The following TTC7B variants were observed in gnomAD, a reference collection of about 807,000 sequenced individuals.
TTC7B encodes the protein tetratricopeptide repeat protein 7B.
Under a neutral mutation model 106.8 loss-of-function variants are expected in TTC7B, and 28 were observed. The ratio of observed to expected loss-of-function variants is 0.26; its 90% CI spans 0.19 to 0.36. TTC7B has a LOEUF of 0.36. TTC7B is among the 10% of genes least tolerant of loss of function. The pLI, the probability that TTC7B is intolerant of heterozygous loss-of-function variation, is 1.00. For synonymous variants in TTC7B, 405 were observed against 430.6 expected (o/e 0.94, Z 0.74); for missense variants, 862 against 1,076.4 (o/e 0.80, Z 2.79).
At chr14:90,712,608 G>C (rs1397810315) in intron 5 of TTC7B, among the ~76,000 whole-genome samples, 1 of 152,158 alleles carries the variant, frequency 6.6e-6, no homozygotes, top group East Asian at 1.9e-4. Flanking sequence ...ACATTTTTGA[G>C]AGAAATCAAA....
At chr14:90,614,062 T>C (rs951519224) in intron 16 of TTC7B, among the ~76,000 whole-genome samples, 1 of 152,186 alleles carries the variant, frequency 6.6e-6, no homozygotes, top group Non-Finnish European at 1.5e-5. Context: ...GCTCCTGGAA[T>C]AGTGCCTGGC....
rs554710119 is a variant in TTC7B at position 90,751,645 on chromosome 14, G to T, written c.446-6723C>A. The stretch of plus-strand genomic sequence containing the variant: ...GTGTCTCACTGTGTTGTCCAAGCTG[G>T]TCTCAAACTCCTGACCTCAAGAGAT... On this transcript the variant is annotated intron_variant, in intron 3 of 19. Transcript: ENST00000328459. 5.6e-4 allele frequency among the ~76,000 whole-genome samples: 85 copies of T among 151,798 alleles called. No homozygotes were observed. In the South Asian group the frequency reaches 0.012, roughly 21 times the overall value.
At chr14:90,567,039 G>A (rs987836203) in intron 19 of TTC7B, among the ~76,000 whole-genome samples, 1 of 152,078 alleles carries the variant, frequency 6.6e-6, no homozygotes, top group Non-Finnish European at 1.5e-5. Flanking sequence ...AGGGGAAGGC[G>A]GGGGCGGGGA....
rs753654074 is a variant in TTC7B, at chr14:90,786,176, T to C, written c.274A>G (p.Lys92Glu). 5 of 1,545,792 alleles carry C rather than the reference T, an allele frequency of 3.2e-6. No individual in the cohort carries two copies. In the South Asian group the frequency reaches 3.8e-5, roughly 12 times the overall value. ...LTAALDRGNL[K>E]SEFLQESNLI... Reference sequence around the variant, plus strand: ...CTCAGCCCAGAGGCCCATGGTACCTTAAGGTTCCCTCGGTCCAGGGCGGCG... The same window carrying C: ...CTCAGCCCAGAGGCCCATGGTACCTCAAGGTTCCCTCGGTCCAGGGCGGCG... Residue 92 changes from lysine to glutamate, a missense_variant and splice_region_variant, in exon 2 of 20, where the codon AAG (lysine) becomes GAG (glutamate). Coordinates refer to ENST00000328459, the MANE Select transcript of TTC7B (RefSeq NM_001010854.2).
intron 5 of TTC7B, chr14:90,699,141 G>A (rs1437394485): frequency 4.0e-5 from 18 of 455,500 alleles, no homozygotes; most frequent in East Asian, 2.8e-4. Context: ...ACATTCTAAC[G>A]TACAAGCTTA....
At chr14:90,607,349 A>G (rs75625284) in intron 17 of TTC7B, among the ~76,000 whole-genome samples, 2,788 of 152,228 alleles carry the variant, frequency 0.018, 93 homozygotes, top group African/African-American at 0.062. Flanking sequence ...ACCCTCACGG[A>G]TGCTAACACT....
At chr14:90,798,709 C>CAAAAA (rs36223089) in intron 1 of TTC7B, among the ~76,000 whole-genome samples, 19,339 of 51,992 alleles carry the variant, frequency 0.37, 5,216 homozygotes, top group Middle Eastern at 0.5. Flanking sequence ...GACTCCATCT[C>CAAAAA]AAAAAAAAAA....
At chr14:90,766,767 C>G (rs988572208) in intron 3 of TTC7B, 32 of 1,574,322 alleles carry the variant, frequency 2.0e-5, no homozygotes, top group Middle Eastern at 2.2e-4. Flanking sequence ...AGTACAAGAT[C>G]CCAGACTGGT....
intron 5 of TTC7B, chr14:90,697,203 C>G (rs1887788954): frequency 6.6e-6 from 1 of 150,628 alleles, no homozygotes; most frequent in African/African-American, 2.5e-5. Flanking sequence ...AGGATCAAAC[C>G]TAAATATTGT....
At chr14:90,729,709 C>T (rs1335069624) in intron 5 of TTC7B, among the ~76,000 whole-genome samples, 1 of 152,204 alleles carries the variant, frequency 6.6e-6, no homozygotes, top group African/African-American at 2.4e-5. Flanking sequence ...TCCTGTGTGC[C>T]AGGATTTCCA....
At chr14:90,675,923 C>G (rs1322979510) in intron 9 of TTC7B, 1 of 152,108 alleles carries the variant, frequency 6.6e-6, no homozygotes, top group Non-Finnish European at 1.5e-5. Flanking sequence ...ATAACCATAG[C>G]CCAGGATGAA....
Position 90,633,147 on chromosome 14 carries a change from A to G in TTC7B, c.1751+10901T>C, listed in dbSNP as rs1423240841. Among the ~76,000 whole-genome samples, 4 of 152,236 alleles carry G rather than the reference A, an allele frequency of 2.6e-5. No homozygotes were observed. In the East Asian group the frequency reaches 7.7e-4, roughly 29 times the overall value. On this transcript the variant is annotated intron_variant, in intron 15 of 19. Transcript: ENST00000328459. ...CTGATGTCTTATAGTTATGGGTCAG[A>G]GAAAACACTTCAAACACTTGTGCAT... is the stretch of plus-strand genomic sequence containing the variant.
At chr14:90,616,049 C>A (rs947517306) in intron 16 of TTC7B, among the ~76,000 whole-genome samples, 11 of 152,142 alleles carry the variant, frequency 7.2e-5, no homozygotes, top group African/African-American at 2.7e-4. Context: ...CTATTTTTTT[C>A]TCCTCACATT....
Position 90,657,122 on chromosome 14 carries a change from G to T in TTC7B, c.1341+52C>A. 3 of 1,502,318 alleles carry T rather than the reference G, an allele frequency of 2.0e-6. No homozygotes were observed. Among genetic ancestry groups the T allele is most frequent in the Non-Finnish European group, 1.8e-6 (2 of 1,084,376 alleles). 93.1% of individuals were successfully genotyped at this position (1,502,318 alleles called of 1,614,324 possible). A position where few individuals can be genotyped will look rare whatever the true frequency, so the allele number is the denominator to read the frequency against. On this transcript the variant is annotated intron_variant, in intron 11 of 19. Transcript: ENST00000328459. This position sits in a 1 kb window ranked among gnomAD's most constrained non-coding sequence, Gnocchi z 4.2. The stretch of plus-strand genomic sequence containing the variant: ...TGCCTCGACATGAAAAAAATGGGCA[G>T]TCCTGGCCCAGAGTCCTCTGCAGGA...
intron 1 of TTC7B, among the ~76,000 whole-genome samples, chr14:90,792,745 T>A (rs990075659): frequency 1.3e-4 from 19 of 151,896 alleles, no homozygotes; most frequent in Non-Finnish European, 2.2e-4. Flanking sequence ...ATGTGTACAG[T>A]ATTGGATGGG....
chr14:90,590,432 C>T (rs78356169), intron 18 of TTC7B, among the ~76,000 whole-genome samples: 1,810 of 152,302 alleles, frequency 0.012, 23 homozygotes, highest in Non-Finnish European at 0.018. Context: ...TCCCACTGTA[C>T]TCAGTTCACC....
chr14:90,627,029 C>T (rs946835511), intron 15 of TTC7B, among the ~76,000 whole-genome samples: 1 of 152,046 alleles, frequency 6.6e-6, no homozygotes, highest in Non-Finnish European at 1.5e-5. Context: ...CTCTGTTGCC[C>T]AGGCTAAAGT....
intron 13 of TTC7B, among the ~76,000 whole-genome samples, chr14:90,652,572 A>T (rs987185332): frequency 6.6e-6 from 1 of 151,950 alleles, no homozygotes; most frequent in Admixed American, 6.6e-5. Flanking sequence ...CTCCCTTGGC[A>T]TACAAAATAC....
intron 6 of TTC7B, among the ~76,000 whole-genome samples, chr14:90,694,765 T>C (rs1257683971): frequency 7.1e-6 from 1 of 141,708 alleles, no homozygotes; most frequent in East Asian, 2.0e-4. Flanking sequence ...TAAATAAATA[T>C]ACATATAAAA....
Sources: allele counts gnomAD v4.1 joint callset (sites outside exome capture counted in the v4.1 genomes callset), GRCh38; gene constraint gnomAD v4.1.1; non-coding constraint Gnocchi (gnomAD v3.1); transcripts MANE v1.5; gene names NCBI Gene and HGNC (gene_info 2026-07-23, HGNC 2026-07-21).